The following KYAT1 variants were observed in gnomAD, a reference collection of about 807,000 sequenced individuals.
The protein encoded by KYAT1 is kynurenine--oxoglutarate transaminase 1.
Under a neutral mutation model 52.4 loss-of-function variants are expected in KYAT1, and 47 were observed. The observed-to-expected ratio is 0.90, with a 90% CI of 0.71 to 1.14. The LOEUF (loss-of-function observed/expected upper bound fraction) is 1.14, where lower values mean the gene tolerates loss of function less well. Among genes scored for constraint, KYAT1 ranks in the 50% most tolerant of loss-of-function variants. The pLI is 0.00. For synonymous variants in KYAT1, 212 were observed against 209.6 expected (o/e 1.01, Z -0.10); for missense variants, 480 against 557.9 (o/e 0.86, Z 1.41).
At chr9:128,864,188 CCGTCTCTACTA>C (rs1835856830) in intron 1 of KYAT1, among the ~76,000 whole-genome samples, 1 of 151,730 alleles carries the variant, frequency 6.6e-6, no homozygotes, top group Non-Finnish European at 1.5e-5. Context: ...CAGTGAAACC[CCGTCTCTACTA>C]AAAATACGAA....
chr9:128,835,556 T>A lies in KYAT1; in HGVS notation c.967A>T (p.Ser323Cys). 1 of 1,613,660 alleles carries A rather than the reference T, an allele frequency of 6.2e-7. No homozygotes were observed. Among genetic ancestry groups the A allele is most frequent in the Non-Finnish European group, 8.5e-7 (1 of 1,180,028 alleles). Residue 323 changes from serine to cysteine, a missense_variant, in exon 10 of 13, where the codon AGC becomes TGC. Ser to Cys is a moderately radical substitution (Grantham distance 112). Transcript: ENST00000302586. ...MQRCRDHMIR[S>C]LQSVGLKPII... is the part of the protein sequence containing the mutation. ...GGCTTCAGGCCCACTGACTGTAGGC[T>A]ACGTATCATGTGGTCACGGCAGCGC...
chr9:128,868,439 G>A (rs949172700), intron 1 of KYAT1, among the ~76,000 whole-genome samples: 31 of 152,068 alleles, frequency 2.0e-4, no homozygotes, highest in African/African-American at 7.5e-4. Context: ...CCAGGCTGGA[G>A]AACAGTGGTG....
In KYAT1 at chr9:128,833,511, G is replaced by A; in HGVS notation, c.*73C>T. The A allele has an allele frequency of 6.8e-7, 1 of 1,460,774 alleles. No homozygotes were observed. 90.5% of individuals were successfully genotyped at this position (1,460,774 alleles called of 1,614,324 possible). On this transcript the variant is annotated 3_prime_UTR_variant, in exon 13 of 13. Transcript: ENST00000302586. ...CCCAACCTAGAAATGTCTGAAACCTGGACAAAGACAGACACTCAAAGAGGA... is the reference window on the plus strand; with the variant it reads ...CCCAACCTAGAAATGTCTGAAACCTAGACAAAGACAGACACTCAAAGAGGA...
intron 1 of KYAT1, chr9:128,847,503 G>C (rs1279852381): frequency 6.5e-7 from 1 of 1,535,874 alleles, no homozygotes; most frequent in East Asian, 2.4e-5. Flanking sequence ...CAGGTGCACA[G>C]AGATGGCTGC....
chr9:128,840,682 G>A (rs946805801), intron 3 of KYAT1: 8 of 436,754 alleles, frequency 1.8e-5, no homozygotes, highest in African/African-American at 1.7e-4. Context: ...CCTATTGGCA[G>A]GGATGTAAAT....
intron 1 of KYAT1, among the ~76,000 whole-genome samples, chr9:128,858,430 G>A (rs151338736): frequency 0.048 from 6,074 of 127,614 alleles, 171 homozygotes; most frequent in African/African-American, 0.084. Flanking sequence ...GGGCATGGTG[G>A]CTCATACCTG....
chr9:128,864,416 A>G (rs1276575260), intron 1 of KYAT1, among the ~76,000 whole-genome samples: 1 of 151,634 alleles, frequency 6.6e-6, no homozygotes, highest in Admixed American at 6.6e-5. Context: ...TTGGTAAAAT[A>G]CACATATCAT....
At chr9:128,878,923 A>G (rs1838404041) in intron 1 of KYAT1, among the ~76,000 whole-genome samples, 1 of 152,180 alleles carries the variant, frequency 6.6e-6, no homozygotes, top group South Asian at 2.1e-4. Flanking sequence ...TGAGGCTTAG[A>G]GAGGGGAAAT....
At chr9:128,847,580 G>A in intron 1 of KYAT1, 1 of 1,361,316 alleles carries the variant, frequency 7.3e-7, no homozygotes. Flanking sequence ...AGGGGAGAAG[G>A]GAGGAAACAG....
At chr9:128,879,033 G>A (rs944864179) in intron 1 of KYAT1, among the ~76,000 whole-genome samples, 6 of 152,226 alleles carry the variant, frequency 3.9e-5, no homozygotes, top group African/African-American at 7.2e-5. Context: ...CCGGGAGGCC[G>A]GGCGCGGTGG....
chr9:128,861,161 T>A lies in KYAT1; in HGVS notation c.-6-15750A>T, dbSNP rs185362619. Among the ~76,000 whole-genome samples, 285 of 152,292 alleles carry A rather than the reference T, an allele frequency of 1.9e-3. 1 individual carries two copies. The highest frequency in any genetic ancestry group is 2.9e-3 in the Non-Finnish European group (200 of 68,020). ...TGTGGCTAGTTTGTTACAACAGCCTTAGGAATCAAATCCAAGGTGATGGGG... is the reference window on the plus strand; with the variant it reads ...TGTGGCTAGTTTGTTACAACAGCCTAAGGAATCAAATCCAAGGTGATGGGG... On this transcript the variant is annotated intron_variant, in intron 1 of 12. Transcript: ENST00000302586.
At chr9:128,858,669 T>C (rs1210406956) in intron 1 of KYAT1, among the ~76,000 whole-genome samples, 2 of 151,976 alleles carry the variant, frequency 1.3e-5, no homozygotes, top group Non-Finnish European at 2.9e-5. Flanking sequence ...CACTCCAGCC[T>C]GGGCAACAAA....
intron 1 of KYAT1, among the ~76,000 whole-genome samples, chr9:128,873,536 G>A (rs1167244016): frequency 2.0e-5 from 3 of 152,074 alleles, no homozygotes; most frequent in East Asian, 3.9e-4. Context: ...TTGGGAGGCC[G>A]GTAGGCAGGC....
At chr9:128,874,728 T>G (rs1423051433) in intron 1 of KYAT1, among the ~76,000 whole-genome samples, 1 of 136,404 alleles carries the variant, frequency 7.3e-6, no homozygotes, top group African/African-American at 2.8e-5. Flanking sequence ...CTGCCTTTTT[T>G]TTTTTTTTTT....
At chr9:128,857,767 C>T (rs374667811) in intron 1 of KYAT1, among the ~76,000 whole-genome samples, 64 of 152,244 alleles carry the variant, frequency 4.2e-4, no homozygotes, top group Middle Eastern at 6.8e-3. Flanking sequence ...ACCCGGGAGG[C>T]GGAGCTTGCA....
chr9:128,881,634 G>A (rs956974473), intron 1 of KYAT1, among the ~76,000 whole-genome samples: 2 of 152,044 alleles, frequency 1.3e-5, no homozygotes, highest in African/African-American at 4.8e-5. Flanking sequence ...CTGTTGTCTC[G>A]GGTATCATCT....
chr9:128,833,862 C>T (rs62585564), intron 11 of KYAT1, 36 bp from the exon 12 acceptor site: 10 of 1,577,224 alleles, frequency 6.3e-6, no homozygotes, highest in African/African-American at 2.7e-5. Context: ...AACACGGCCT[C>T]GTGGCCCAGC....
rs147000469 is a variant in KYAT1, at chr9:128,840,533, G to T, written c.201+2121C>A. 874 of 392,000 alleles carry T rather than the reference G, an allele frequency of 2.2e-3. 4 individuals are homozygous for T. The highest frequency in any genetic ancestry group is 0.015 in the African/African-American group (687 of 46,716). The allele number at this position is 392,000 out of a possible 1,614,324, so 24.3% of individuals were successfully genotyped here. Reference sequence around the variant, plus strand: ...CCCAGAATGCTGGGATTATAGGCGTGAGCCACCATACCCAGCTTTTGTCTC... The same window carrying T: ...CCCAGAATGCTGGGATTATAGGCGTTAGCCACCATACCCAGCTTTTGTCTC... On this transcript the variant is annotated intron_variant, in intron 3 of 12. Coordinates refer to ENST00000302586, the MANE Select transcript of KYAT1 (RefSeq NM_004059.5).
intron 1 of KYAT1, chr9:128,846,670 C>G (rs1279256864): frequency 6.6e-7 from 1 of 1,507,650 alleles, no homozygotes; most frequent in Admixed American, 2.0e-5. Context: ...AAACTCAGGT[C>G]CTAACCCACC....
Sources: gnomAD v4.1 joint callset for allele counts (sites outside exome capture counted in the v4.1 genomes callset) on GRCh38, gnomAD v4.1.1 for gene constraint, MANE v1.5 for transcripts, NCBI Gene and HGNC (gene_info 2026-07-23, HGNC 2026-07-21) for gene names.